Variants in FAM222B observed in about 807,000 individuals in gnomAD.
FAM222B encodes family with sequence similarity 222 member B.
In FAM222B, 12 loss-of-function variants were observed where a neutral mutation model predicts 38.0. The observed-to-expected ratio is 0.32, with a 90% confidence interval of 0.20 to 0.51. The LOEUF (loss-of-function observed/expected upper bound fraction) is 0.51, where lower values mean the gene tolerates loss of function less well. Among genes scored for constraint, FAM222B ranks in the 20% least tolerant of loss-of-function variants. The pLI is 0.97. For missense variants in FAM222B, 716 were observed against 754.2 expected, an observed-to-expected ratio of 0.95 and a Z score of 0.59; for synonymous variants, 329 against 317.2, an observed-to-expected ratio of 1.04 and a Z score of -0.40.
At chr17:28,837,659 T>C (rs1191334177) in intron 1 of FAM222B, among the ~76,000 whole-genome samples, 2 of 151,400 alleles carry the variant, frequency 1.3e-5, no homozygotes, top group African/African-American at 4.9e-5. Context: ...TTTTTTTTTT[T>C]GTTTTTTGAG....
chr17:28,771,574 G>A (rs564173395), intron 1 of FAM222B, among the ~76,000 whole-genome samples: 9 of 151,920 alleles, frequency 5.9e-5, no homozygotes, highest in Non-Finnish European at 8.8e-5. Context: ...CTAGCTACTC[G>A]GGAGGCTGAG....
intron 1 of FAM222B, among the ~76,000 whole-genome samples, chr17:28,785,200 T>C (rs1004903864): frequency 2.0e-5 from 3 of 151,226 alleles, no homozygotes; most frequent in African/African-American, 7.3e-5. Flanking sequence ...TGAATCTCTG[T>C]CTTAGTTCCT....
intron 1 of FAM222B, among the ~76,000 whole-genome samples, chr17:28,769,866 G>A (rs1168063663): frequency 1.3e-5 from 2 of 152,188 alleles, no homozygotes; most frequent in Non-Finnish European, 2.9e-5. Context: ...TGCCTGGAAT[G>A]TTCTTGCCCC....
At chr17:28,840,513 G>C (rs76985750) in intron 1 of FAM222B, among the ~76,000 whole-genome samples, 8,220 of 152,116 alleles carry the variant, frequency 0.054, 307 homozygotes, top group Middle Eastern at 0.075. Context: ...CCTCTTCTGA[G>C]ATATTCCACC....
At chr17:28,809,973 AG>A (rs1163346805) in intron 1 of FAM222B, among the ~76,000 whole-genome samples, 7 of 152,008 alleles carry the variant, frequency 4.6e-5, no homozygotes, top group South Asian at 2.1e-4. Flanking sequence ...GAAATTGTAC[AG>A]CCTCCAACTG....
intron 1 of FAM222B, among the ~76,000 whole-genome samples, chr17:28,837,930 G>A (rs1457943648): frequency 6.6e-6 from 1 of 152,074 alleles, no homozygotes; most frequent in Admixed American, 6.6e-5. Flanking sequence ...TAGGATTACA[G>A]GAGTGAGCCA....
chr17:28,803,622 C>G (rs1289556889), intron 1 of FAM222B, among the ~76,000 whole-genome samples: 2 of 152,054 alleles, frequency 1.3e-5, no homozygotes, highest in Non-Finnish European at 1.5e-5. Flanking sequence ...GGCTTAGCTA[C>G]CAACAGCTCA....
intron 1 of FAM222B, among the ~76,000 whole-genome samples, chr17:28,838,544 C>G (rs1312469052): frequency 4.0e-5 from 6 of 151,832 alleles, no homozygotes; most frequent in African/African-American, 1.5e-4. Flanking sequence ...CGCGTCACTG[C>G]ACTCCAGTCT....
Position 28,757,480 on chromosome 17 carries a change from G to A in FAM222B, c.*790C>T, listed in dbSNP as rs2034759527. ...ATTTTGTTTTTGTTGAGGGGGAAAGGATAGGGGCTGTGGGGAGGTGAGTTA... is the reference window on the plus strand; with the variant it reads ...ATTTTGTTTTTGTTGAGGGGGAAAGAATAGGGGCTGTGGGGAGGTGAGTTA... On this transcript the variant is annotated 3_prime_UTR_variant, in exon 3 of 3. Coordinates refer to ENST00000581407, the MANE Select transcript of FAM222B (RefSeq NM_001077498.3). The A allele has an allele frequency of 6.6e-6, 1 of 152,028 alleles. No individual in the cohort carries two copies. The highest frequency in any genetic ancestry group is 1.5e-5 in the Non-Finnish European group (1 of 68,004). 9.4% of individuals were successfully genotyped at this position (152,028 alleles called of 1,614,324 possible).
At chr17:28,786,142 T>TA (rs2036402833) in intron 1 of FAM222B, among the ~76,000 whole-genome samples, 1 of 145,856 alleles carries the variant, frequency 6.9e-6, no homozygotes, top group South Asian at 2.1e-4. Flanking sequence ...ATAGGTTTTG[T>TA]TTTTTTTTTT....
At chr17:28,822,105 T>A (rs1162311536) in intron 1 of FAM222B, among the ~76,000 whole-genome samples, 1 of 149,252 alleles carries the variant, frequency 6.7e-6, no homozygotes, top group Non-Finnish European at 1.5e-5. Flanking sequence ...CACTGCAACC[T>A]CCCCCACCTG....
intron 1 of FAM222B, among the ~76,000 whole-genome samples, chr17:28,821,822 C>T (rs938849612): frequency 2.6e-5 from 4 of 151,424 alleles, no homozygotes; most frequent in Admixed American, 2.0e-4. Context: ...ATTAGCTGGG[C>T]GTGGTGGCGC....
intron 1 of FAM222B, among the ~76,000 whole-genome samples, chr17:28,781,974 G>A (rs1402664784): frequency 6.6e-6 from 1 of 152,136 alleles, no homozygotes; most frequent in Non-Finnish European, 1.5e-5. Flanking sequence ...TTTGTTTACA[G>A]GCATGCCCCA....
chr17:28,814,026 A>G (rs1255378281), intron 1 of FAM222B, among the ~76,000 whole-genome samples: 2 of 151,886 alleles, frequency 1.3e-5, no homozygotes. Flanking sequence ...CCTGGTCAAC[A>G]TGGTGACCTG....
rs2036194385 is a variant in FAM222B, at chr17:28,782,197, C to T, written c.-40-15490G>A. ...ATTAGCTGGGTGTGTTGGCACATGC[C>T]TGTGGTCCCAGCTGCTCGGGAGGCT... is the stretch of plus-strand genomic sequence containing the variant. On this transcript the variant is annotated intron_variant, in intron 1 of 2. Transcript: ENST00000581407. 2.0e-5 allele frequency among the ~76,000 whole-genome samples: 3 copies of T among 152,122 alleles called. No homozygotes were observed. In the South Asian group the frequency reaches 6.2e-4, roughly 31 times the overall value.
At chr17:28,768,265 T>C (rs2035436980) in intron 1 of FAM222B, among the ~76,000 whole-genome samples, 1 of 152,166 alleles carries the variant, frequency 6.6e-6, no homozygotes, top group South Asian at 2.1e-4. Context: ...AATCTCCTTA[T>C]TTTCTTGAGA....
chr17:28,785,701 ATT>A (rs913829381), intron 1 of FAM222B, among the ~76,000 whole-genome samples: 25 of 138,378 alleles, frequency 1.8e-4, no homozygotes, highest in Admixed American at 2.9e-4. Context: ...ATGCCCGGCT[ATT>A]TTTTTTTTTT....
intron 1 of FAM222B, among the ~76,000 whole-genome samples, chr17:28,784,871 C>CT (rs1299780624): frequency 6.6e-6 from 1 of 151,878 alleles, no homozygotes; most frequent in Non-Finnish European, 1.5e-5. Context: ...CCACCTCAGC[C>CT]TTCTGAGTAG....
At chr17:28,796,994 CTTTTTTTTTTTTT>C (rs34242589) in intron 1 of FAM222B, among the ~76,000 whole-genome samples, 4 of 81,606 alleles carry the variant, frequency 4.9e-5, no homozygotes, top group African/African-American at 1.9e-4. Flanking sequence ...GTGGCTATTG[CTTTTTTTTTTTTT>C]TTTTTTTTTT....
Sources: gnomAD v4.1 joint callset for allele counts (sites outside exome capture counted in the v4.1 genomes callset) on GRCh38, gnomAD v4.1.1 for gene constraint, MANE v1.5 for transcripts, NCBI Gene and HGNC (gene_info 2026-07-23, HGNC 2026-07-21) for gene names.